Variants in UGT1A7 observed in about 807,000 individuals in gnomAD.
The protein encoded by UGT1A7 is UDP glucuronosyltransferase family 1 member A7, also known as UDP-glucuronosyltransferase 1A7.
UGT1A7 carries 33 observed loss-of-function variants against 45.6 expected under a neutral mutation model. The observed-to-expected ratio is 0.72, with a 90% confidence interval of 0.55 to 0.97. UGT1A7 has a LOEUF of 0.97. Ranked by LOEUF, UGT1A7 falls within the 50% of genes least tolerant of loss-of-function variation. The pLI, the probability that UGT1A7 is intolerant of heterozygous loss-of-function variation, is 0.00. For missense variants in UGT1A7, 684 were observed against 666.2 expected (o/e 1.03, Z -0.29); for synonymous variants, 274 against 250.6 (o/e 1.09, Z -0.88).
At chr2:233,688,191 G>A (rs924527532) in intron 1 of UGT1A7, among the ~76,000 whole-genome samples, 8 of 152,098 alleles carry the variant, frequency 5.3e-5, no homozygotes, top group African/African-American at 1.7e-4. Flanking sequence ...CTTTATGACC[G>A]GCTTCTTTCA....
intron 1 of UGT1A7, chr2:233,713,413 T>C (rs749800314): frequency 6.2e-7 from 1 of 1,614,190 alleles, no homozygotes; most frequent in Non-Finnish European, 8.5e-7. Context: ...ATCAGGCACC[T>C]GCATGCTACT....
At chr2:233,732,709 C>T (rs540969589) in intron 1 of UGT1A7, among the ~76,000 whole-genome samples, 1 of 150,878 alleles carries the variant, frequency 6.6e-6, no homozygotes, top group Non-Finnish European at 1.5e-5. Context: ...GTTACTGTAG[C>T]CTTGTAGTAC....
chr2:233,767,305 GT>G (rs1444114295), intron 2 of UGT1A7, 140 bp downstream of exon 2: 24 of 1,519,088 alleles, frequency 1.6e-5, no homozygotes, highest in Middle Eastern at 1.8e-4. Context: ...TAATCCAAAG[GT>G]TTTTTTTGTT....
intron 1 of UGT1A7, among the ~76,000 whole-genome samples, chr2:233,687,621 G>T (rs796956620): frequency 6.7e-6 from 1 of 148,232 alleles, no homozygotes; most frequent in South Asian, 2.1e-4. Flanking sequence ...AAGAAAAAAA[G>T]GCTGAGTGTG....
At chr2:233,706,570 A>G (rs1030888429) in intron 1 of UGT1A7, among the ~76,000 whole-genome samples, 1 of 152,166 alleles carries the variant, frequency 6.6e-6, no homozygotes, top group African/African-American at 2.4e-5. Context: ...ACCTTAGGGT[A>G]AGAGTGGAGA....
chr2:233,723,429 C>T (rs1350384184), intron 1 of UGT1A7, among the ~76,000 whole-genome samples: 7 of 134,596 alleles, frequency 5.2e-5, no homozygotes, highest in African/African-American at 1.5e-4. Context: ...AGGCTGGTCT[C>T]GAACTCCTGA....
In UGT1A7 at chr2:233,768,225, C is replaced by T; in HGVS notation, c.1081C>T (p.Pro361Ser). 6.2e-7 allele frequency: 1 copy of T among 1,614,112 alleles called. No homozygotes were observed. The highest frequency in any genetic ancestry group is 8.5e-7 in the Non-Finnish European group (1 of 1,180,032). Reference protein sequence around the residue: ...WLPQNDLLGHPMTRAFITHAG... With the variant: ...WLPQNDLLGHSMTRAFITHAG... Reference sequence around the variant, plus strand: ...CTCCCTATTTTGCATCTCAGGTCACCCGATGACCCGTGCCTTTATCACCCA... The same window carrying T: ...CTCCCTATTTTGCATCTCAGGTCACTCGATGACCCGTGCCTTTATCACCCA... Residue 361 changes from proline (P) to serine (S), a missense_variant, in exon 4 of 5, where the codon CCG becomes TCG. Pro to Ser is a moderately conservative substitution (Grantham distance 74). Transcript: ENST00000373426.
intron 1 of UGT1A7, among the ~76,000 whole-genome samples, chr2:233,702,170 C>T (rs970119817): frequency 7.2e-5 from 11 of 152,194 alleles, no homozygotes; most frequent in African/African-American, 1.4e-4. Flanking sequence ...AGTCACTCTT[C>T]TTTCTCTCCT....
chr2:233,729,923 C>G (rs760546149), intron 1 of UGT1A7: 1 of 1,614,016 alleles, frequency 6.2e-7, no homozygotes, highest in Non-Finnish European at 8.5e-7. Flanking sequence ...ATGGACTACC[C>G]CAGGCCAATC....
intron 1 of UGT1A7, among the ~76,000 whole-genome samples, chr2:233,697,644 T>A (rs1311012882): frequency 6.6e-6 from 1 of 152,120 alleles, no homozygotes; most frequent in Admixed American, 6.5e-5. Flanking sequence ...CTTTTTTAGT[T>A]CCTTGAGGTG....
chr2:233,733,661 T>A (rs1200789776), intron 1 of UGT1A7, among the ~76,000 whole-genome samples: 1 of 152,240 alleles, frequency 6.6e-6, no homozygotes, highest in Non-Finnish European at 1.5e-5. Context: ...GAAGCCGACT[T>A]GATCGATGTG....
At chr2:233,743,452 GA>G (rs1692298839) in intron 1 of UGT1A7, 1 of 1,365,542 alleles carries the variant, frequency 7.3e-7, no homozygotes, top group Non-Finnish European at 9.8e-7. Flanking sequence ...ATCAAAAGAA[GA>G]AAAAACACCC....
intron 1 of UGT1A7, chr2:233,743,237 G>A: frequency 2.4e-6 from 1 of 420,010 alleles, no homozygotes; most frequent in Non-Finnish European, 4.6e-6. Context: ...TATTATGAAG[G>A]ACTTTAACTC....
chr2:233,709,268 G>A (rs188103798), intron 1 of UGT1A7, among the ~76,000 whole-genome samples: 212 of 152,234 alleles, frequency 1.4e-3, no homozygotes, highest in Middle Eastern at 0.01. Flanking sequence ...ACTTGTCCAC[G>A]CTGTGAATTA....
intron 1 of UGT1A7, among the ~76,000 whole-genome samples, chr2:233,695,975 T>G (rs548807201): frequency 6.6e-6 from 1 of 152,328 alleles, no homozygotes; most frequent in South Asian, 2.1e-4. Context: ...AATTCAGTTC[T>G]GAAGATGTCC....
At chr2:233,771,672 A>G (rs1345371063) in intron 4 of UGT1A7, 4 of 152,446 alleles carry the variant, frequency 2.6e-5, no homozygotes, top group Non-Finnish European at 4.4e-5. Flanking sequence ...CTCACAAAAT[A>G]TCACTAAAAA....
Position 233,743,192 on chromosome 2 carries a change from T to C in UGT1A7, c.856-23842T>C, listed in dbSNP as rs560095677. ...AAAGTCAAATGTGGACTGGAATTAC[T>C]TGGTGTCAATGCGGAGTAACTGCTC... On this transcript the variant is annotated intron_variant, in intron 1 of 4. Coordinates refer to ENST00000373426, the MANE Select transcript of UGT1A7 (RefSeq NM_019077.3). The C allele has an allele frequency of 2.2e-3, 846 of 376,748 alleles. 20 individuals carry two copies. The highest frequency in any genetic ancestry group is 0.016 in the South Asian group (827 of 50,812). 23.3% of individuals were successfully genotyped at this position (376,748 alleles called of 1,614,324 possible). A position where few individuals can be genotyped will look rare whatever the true frequency, so the allele number is the denominator to read the frequency against.
intron 1 of UGT1A7, chr2:233,743,466 A>C (rs1692304653): frequency 7.3e-7 from 1 of 1,366,560 alleles, no homozygotes; most frequent in South Asian, 1.1e-5. Flanking sequence ...AAACACCCCC[A>C]AAAGCTGGAA....
At chr2:233,754,544 A>G in intron 1 of UGT1A7, 1 of 379,568 alleles carries the variant, frequency 2.6e-6, no homozygotes, top group Non-Finnish European at 5.2e-6. Context: ...GACTGGAATT[A>G]CTTGGTGTCA....
Sources: gnomAD v4.1 joint callset for allele counts (sites outside exome capture counted in the v4.1 genomes callset) on GRCh38, gnomAD v4.1.1 for gene constraint, MANE v1.5 for transcripts, NCBI Gene and HGNC (gene_info 2026-07-23, HGNC 2026-07-21) for gene names.